Variants in KCNG2 observed in about 807,000 individuals in gnomAD.
KCNG2 encodes voltage-gated potassium channel regulatory subunit KCNG2.
KCNG2 carries 7 observed loss-of-function variants against 12.3 expected under a neutral mutation model. That is an observed-to-expected ratio of 0.57 (90% CI 0.32 to 1.07). The LOEUF is 1.07. KCNG2 is among the 50% of genes least tolerant of loss of function. KCNG2 has a pLI of 0.04. For synonymous variants in KCNG2, 414 were observed against 351.4 expected (o/e 1.18, Z -1.99); for missense variants, 703 against 726.0 (o/e 0.97, Z 0.36).
chr18:79,843,310 G>A (rs561940381), intron 1 of KCNG2, among the ~76,000 whole-genome samples: 1 of 152,130 alleles, frequency 6.6e-6, no homozygotes, highest in Non-Finnish European at 1.5e-5. Flanking sequence ...AAAAGCTTAG[G>A]GAGTTTATCA....
chr18:79,798,265 C>G lies in KCNG2; in HGVS notation c.-115+251C>G, dbSNP rs532288454. On this transcript the variant is annotated intron_variant, in intron 1 of 3. Transcript: ENST00000316249. The stretch of plus-strand genomic sequence containing the variant: ...GTGCCTCCCCCTCCCGCTCAGCGCC[C>G]AGAGTCCGGGAGTCGAGGGGGGCGT... Among the ~76,000 whole-genome samples the G allele has an allele frequency of 2.6e-5, 4 of 151,720 alleles. No individual in the cohort carries two copies. The East Asian group carries it at 7.9e-4, about 30-fold the overall frequency.
At chr18:79,882,587 T>C (rs1356242981) in intron 3 of KCNG2, among the ~76,000 whole-genome samples, 1 of 152,238 alleles carries the variant, frequency 6.6e-6, no homozygotes, top group African/African-American at 2.4e-5. Flanking sequence ...TGAACTGTTA[T>C]TAGGGAAATA....
At chr18:79,841,758 T>C (rs1371829754) in intron 1 of KCNG2, among the ~76,000 whole-genome samples, 3 of 152,100 alleles carry the variant, frequency 2.0e-5, no homozygotes, top group Admixed American at 6.5e-5. Flanking sequence ...AGAGAAACAG[T>C]TTGAACAACC....
rs148580400 is a variant in KCNG2, at chr18:79,869,898, G to A, written c.624+5607G>A. Reference sequence around the variant, plus strand: ...AGCCGCCGCCACCACCACGCGGGACGGCCCGCAGCCGTGGCATGGATGTTT... The same window carrying A: ...AGCCGCCGCCACCACCACGCGGGACAGCCCGCAGCCGTGGCATGGATGTTT... On this transcript the variant is annotated intron_variant, in intron 3 of 3. Transcript: ENST00000316249. Among the ~76,000 whole-genome samples, 16 of 152,370 alleles carry A rather than the reference G, an allele frequency of 1.1e-4. No individual in the cohort carries two copies. In the East Asian group the frequency reaches 2.9e-3, roughly 28 times the overall value.
At chr18:79,891,633 T>C (rs978278716) in intron 3 of KCNG2, among the ~76,000 whole-genome samples, 10 of 152,258 alleles carry the variant, frequency 6.6e-5, no homozygotes, top group African/African-American at 2.2e-4. Flanking sequence ...GGTTGGCCTC[T>C]TTGATTATCT....
chr18:79,844,259 G>A (rs992315975), intron 1 of KCNG2, among the ~76,000 whole-genome samples: 13 of 152,102 alleles, frequency 8.5e-5, no homozygotes, highest in African/African-American at 2.4e-4. Context: ...CTTGAGAAAT[G>A]TGTAATGAAC....
chr18:79,879,047 C>T (rs1191753823), intron 3 of KCNG2, among the ~76,000 whole-genome samples: 2 of 152,234 alleles, frequency 1.3e-5, no homozygotes, highest in Admixed American at 6.5e-5. Context: ...CCTGGAGACC[C>T]GGATGTGGGG....
chr18:79,842,110 G>T (rs890646501), intron 1 of KCNG2, among the ~76,000 whole-genome samples: 1 of 152,116 alleles, frequency 6.6e-6, no homozygotes, highest in East Asian at 1.9e-4. Context: ...GCAAGTCCTC[G>T]CAGCCACATG....
chr18:79,865,563 G>A (rs1979466703), intron 3 of KCNG2, among the ~76,000 whole-genome samples: 1 of 143,140 alleles, frequency 7.0e-6, no homozygotes, highest in Non-Finnish European at 1.5e-5. Flanking sequence ...AGGTCTGGGT[G>A]CTGAGAGGTC....
rs1194082093 is a variant in KCNG2 at position 79,864,152 on chromosome 18, G to C, written c.485G>C (p.Arg162Pro). ...GGGCGGCTGCAGCGCGGCCGGCGGC[G>C]CCTGCGCGACGTGGTGGACAACCCG... ...PRGRLQRGRR[R>P]LRDVVDNPHS... The change falls in exon 3 of 4, where the codon CGC becomes CCC. Residue 162 changes from arginine (R) to proline (P), a missense_variant. Transcript: ENST00000316249. The C allele has an allele frequency of 2.1e-6, 3 of 1,436,968 alleles. No individual in the cohort carries two copies. The African/African-American group carries it at 4.5e-5, about 22-fold the overall frequency. The allele number at this position is 1,436,968 out of a possible 1,614,324, so 89.0% of individuals were successfully genotyped here. A position where few individuals can be genotyped will look rare whatever the true frequency, so the allele number is the denominator to read the frequency against.
intron 3 of KCNG2, among the ~76,000 whole-genome samples, chr18:79,881,642 C>T (rs1599426040): frequency 2.0e-5 from 3 of 152,164 alleles, no homozygotes; most frequent in South Asian, 2.1e-4. Context: ...AGTGCTCACG[C>T]GCTGAAGACT....
chr18:79,869,474 C>T (rs1032622711), intron 3 of KCNG2, among the ~76,000 whole-genome samples: 4 of 152,136 alleles, frequency 2.6e-5, no homozygotes, highest in African/African-American at 9.7e-5. Flanking sequence ...TCTGAGCCCA[C>T]AGGGGACGCA....
intron 1 of KCNG2, among the ~76,000 whole-genome samples, chr18:79,798,670 T>C (rs2087383273): frequency 6.6e-6 from 1 of 152,144 alleles, no homozygotes; most frequent in South Asian, 2.1e-4. Flanking sequence ...AGCCGCGAAT[T>C]CTGCAAACCC....
chr18:79,812,730 G>A (rs1446014074), intron 1 of KCNG2, among the ~76,000 whole-genome samples: 5 of 152,094 alleles, frequency 3.3e-5, no homozygotes, highest in African/African-American at 1.2e-4. Flanking sequence ...GCGTGGTGGT[G>A]CGCACCTGTA....
At chr18:79,866,911 C>CGAGAGGTCTGGGTGCT (rs1979603275) in intron 3 of KCNG2, among the ~76,000 whole-genome samples, 1 of 18,424 alleles carries the variant, frequency 5.4e-5, no homozygotes, top group Non-Finnish European at 2.2e-4. Context: ...GTCTGTTTTC[C>CGAGAGGTCTGGGTGCT]GAGAGGTCTG....
rs1240333922 is a variant in KCNG2 at position 79,864,048 on chromosome 18, G to A, written c.381G>A (p.Glu127=). 150 of 1,124,072 alleles carry A rather than the reference G, an allele frequency of 1.3e-4. No homozygotes were observed. The highest frequency in any genetic ancestry group is 1.6e-4 in the Non-Finnish European group (145 of 919,604). The allele number at this position is 1,124,072 out of a possible 1,614,324, so 69.6% of individuals were successfully genotyped here. The change falls in exon 3 of 4, where the codon GAG becomes GAA. Residue 127 remains glutamate (E), a synonymous_variant. Transcript: ENST00000316249. ...GCCTGCGCCGCCTGCGCCGCCGCGA[G>A]GAGGAGGCGGCCGAGGCCCGCGCGG... ...RCCLRRLRRR[E]EEAAEARAGP...
At chr18:79,890,190 TG>T (rs1162648862) in intron 3 of KCNG2, among the ~76,000 whole-genome samples, 2 of 152,230 alleles carry the variant, frequency 1.3e-5, no homozygotes, top group African/African-American at 4.8e-5. Context: ...ATCTGGTTTT[TG>T]TATCAGGGTG....
intron 3 of KCNG2, among the ~76,000 whole-genome samples, chr18:79,895,807 C>A (rs111947756): frequency 0.14 from 21,034 of 150,956 alleles, 1,687 homozygotes; most frequent in East Asian, 0.37. Context: ...TTCACATCTA[C>A]TGTTTTGATT....
intron 1 of KCNG2, among the ~76,000 whole-genome samples, chr18:79,814,333 CT>C (rs1340712211): frequency 4.6e-5 from 7 of 152,232 alleles, no homozygotes; most frequent in Admixed American, 4.6e-4. Flanking sequence ...CAACCAAAAA[CT>C]GGAATTGTCC....
Sources: allele counts gnomAD v4.1 joint callset (sites outside exome capture counted in the v4.1 genomes callset), GRCh38; gene constraint gnomAD v4.1.1; transcripts MANE v1.5; gene names NCBI Gene and HGNC (gene_info 2026-07-23, HGNC 2026-07-21).